The following RPS6KA2 variants were observed in gnomAD, a reference collection of about 807,000 sequenced individuals.
RPS6KA2 encodes ribosomal protein S6 kinase alpha-2.
In RPS6KA2, 42 loss-of-function variants were observed where a neutral mutation model predicts 91.8. The ratio of observed to expected loss-of-function variants is 0.46; its 90% confidence interval spans 0.36 to 0.59. RPS6KA2 has a LOEUF of 0.59. Ranked by LOEUF, RPS6KA2 falls within the 20% of genes least tolerant of loss-of-function variation. The probability of loss-of-function intolerance (pLI) is 0.00; values close to 1 mark genes in which losing one functional copy is unlikely to be tolerated. For synonymous variants in RPS6KA2, 414 were observed against 393.6 expected (o/e 1.05, Z -0.61); for missense variants, 798 against 978.5 (o/e 0.82, Z 2.46).
At chr6:166,728,983 C>G (rs925104120) in intron 2 of RPS6KA2, among the ~76,000 whole-genome samples, 3 of 152,172 alleles carry the variant, frequency 2.0e-5, no homozygotes, top group Non-Finnish European at 4.4e-5. Flanking sequence ...CCAGACAGAC[C>G]AAAGGAGGAA....
chr6:166,817,340 G>C (rs1489346680), intron 2 of RPS6KA2, among the ~76,000 whole-genome samples: 2 of 152,192 alleles, frequency 1.3e-5, no homozygotes, highest in Non-Finnish European at 1.5e-5. Flanking sequence ...GATCACCACT[G>C]TAAGGTTAGA....
At chr6:166,453,448 T>C (rs1779983427) in intron 12 of RPS6KA2, among the ~76,000 whole-genome samples, 3 of 152,100 alleles carry the variant, frequency 2.0e-5, no homozygotes, top group Non-Finnish European at 2.9e-5. Flanking sequence ...GACATACAGA[T>C]GGCCAAACAG....
At chr6:166,747,493 A>G (rs1177544216) in intron 2 of RPS6KA2, among the ~76,000 whole-genome samples, 4 of 152,210 alleles carry the variant, frequency 2.6e-5, no homozygotes. Context: ...ACAAATGCAC[A>G]TCGCATGTCT....
chr6:166,779,480 G>C (rs965872167), intron 2 of RPS6KA2, among the ~76,000 whole-genome samples: 1 of 152,190 alleles, frequency 6.6e-6, no homozygotes, highest in Admixed American at 6.5e-5. Flanking sequence ...CATTGGAGGA[G>C]GGGCCTGGGA....
At chr6:166,447,828 G>T (rs1450951354) in intron 14 of RPS6KA2, among the ~76,000 whole-genome samples, 1 of 152,210 alleles carries the variant, frequency 6.6e-6, no homozygotes. Flanking sequence ...AGCCGGGAGG[G>T]TCCTGGTCAT....
intron 1 of RPS6KA2, among the ~76,000 whole-genome samples, chr6:166,595,337 C>T (rs756547516): frequency 2.6e-5 from 4 of 152,220 alleles, no homozygotes; most frequent in Non-Finnish European, 4.4e-5. Flanking sequence ...CAGGCATGAG[C>T]CACCGTGCCC....
At chr6:166,560,457 T>C (rs1367019238) in intron 1 of RPS6KA2, among the ~76,000 whole-genome samples, 2 of 152,234 alleles carry the variant, frequency 1.3e-5, no homozygotes, top group African/African-American at 4.8e-5. Context: ...GTGAATGTTC[T>C]CAAGCACAGT....
rs559170951 is a variant in RPS6KA2, at chr6:166,464,105, C to T, written c.973-4554G>A. Among the ~76,000 whole-genome samples, 9 of 152,322 alleles carry T rather than the reference C, an allele frequency of 5.9e-5. No individual in the cohort carries two copies. The East Asian group carries it at 7.7e-4, about 13-fold the overall frequency. ...ACGCCTGTGCTGTGAGGCCCTGACCCGCAGCCTACAGCTCCCACACCCCCA... is the reference window on the plus strand; with the variant it reads ...ACGCCTGTGCTGTGAGGCCCTGACCTGCAGCCTACAGCTCCCACACCCCCA... On this transcript the variant is annotated intron_variant, in intron 11 of 20. Transcript: ENST00000265678.
chr6:166,465,440 C>T (rs370576605), intron 11 of RPS6KA2: 3 of 152,202 alleles, frequency 2.0e-5, no homozygotes, highest in South Asian at 2.1e-4. Flanking sequence ...CTACTGGGGC[C>T]GCAGACACAG....
chr6:166,722,869 G>A (rs1334603953), intron 2 of RPS6KA2, among the ~76,000 whole-genome samples: 1 of 152,174 alleles, frequency 6.6e-6, no homozygotes, highest in Non-Finnish European at 1.5e-5. Flanking sequence ...CTGCATTTCT[G>A]GAGTAATTTC....
chr6:166,576,087 C>T (rs114951907), intron 1 of RPS6KA2, among the ~76,000 whole-genome samples: 2,260 of 152,216 alleles, frequency 0.015, 55 homozygotes, highest in African/African-American at 0.053. Context: ...GGGGCTTCTG[C>T]CTTTGCTTCT....
chr6:166,701,072 G>A (rs545895807), intron 2 of RPS6KA2: 13 of 1,546,564 alleles, frequency 8.4e-6, no homozygotes, highest in South Asian at 7.8e-5. Context: ...ATCTGCCTCC[G>A]TGGTGGGCTG....
intron 2 of RPS6KA2, among the ~76,000 whole-genome samples, chr6:166,537,615 T>C (rs1172861953): frequency 6.6e-6 from 1 of 152,276 alleles, no homozygotes; most frequent in Non-Finnish European, 1.5e-5. Flanking sequence ...ATCCAGTTCA[T>C]GCGGACTGTA....
At chr6:166,513,268 C>T (rs1239147715) in intron 3 of RPS6KA2, among the ~76,000 whole-genome samples, 2 of 152,126 alleles carry the variant, frequency 1.3e-5, no homozygotes, top group Non-Finnish European at 2.9e-5. Context: ...CTGGGGGATA[C>T]TAGTGTCTCC....
In RPS6KA2 at chr6:166,652,077, T is replaced by A. The variant is rs1294909264; in HGVS notation, c.124-113293A>T. ...GAATTTAAGAATGTTAAAATAGATA[T>A]GATGAGAATACTGTTTTTTGAACAT... On this transcript the variant is annotated intron_variant, in intron 2 of 21. Coordinates refer to the RPS6KA2 transcript ENST00000503859. Among the ~76,000 whole-genome samples, 6 of 152,242 alleles carry A rather than the reference T, an allele frequency of 3.9e-5. No individual in the cohort carries two copies. In the East Asian group the frequency reaches 1.2e-3, roughly 29 times the overall value.
At position 166,814,812 on chromosome 6, in the gene RPS6KA2, G is replaced by A. The variant is rs181018290; in HGVS notation, c.123+43388C>T. On this transcript the variant is annotated intron_variant, in intron 2 of 21. Coordinates refer to the RPS6KA2 transcript ENST00000503859. ...TCTCCCATCACCCCCAGATGGGACC[G>A]TCTAGTTGCAGGAAAACAAGCTCAG... Among the ~76,000 whole-genome samples, 290 of 152,274 alleles carry A rather than the reference G, an allele frequency of 1.9e-3. 1 individual carries two copies. Among genetic ancestry groups the A allele is most frequent in the African/African-American group, 6.5e-3 (270 of 41,580 alleles).
intron 2 of RPS6KA2, among the ~76,000 whole-genome samples, chr6:166,710,510 GGTGTGTGTGTGT>G (rs1562395398): frequency 1.4e-5 from 2 of 138,008 alleles, no homozygotes; most frequent in African/African-American, 2.6e-5. Flanking sequence ...GTGTGTGTGT[GGTGTGTGTGTGT>G]TATGTGTGGT....
intron 2 of RPS6KA2, among the ~76,000 whole-genome samples, chr6:166,812,737 T>C (rs1779672041): frequency 6.6e-6 from 1 of 152,192 alleles, no homozygotes; most frequent in African/African-American, 2.4e-5. Context: ...AACCTACTTA[T>C]TTGCATGTTT....
intron 11 of RPS6KA2, among the ~76,000 whole-genome samples, chr6:166,461,986 C>T (rs562100503): frequency 2.0e-4 from 31 of 152,370 alleles, no homozygotes; most frequent in African/African-American, 7.5e-4. Context: ...GCTGCCACAC[C>T]TGTGTGACCG....
Sources: allele counts gnomAD v4.1 joint callset (sites outside exome capture counted in the v4.1 genomes callset), GRCh38; gene constraint gnomAD v4.1.1; transcripts MANE v1.5; gene names NCBI Gene and HGNC (gene_info 2026-07-23, HGNC 2026-07-21).